Variants in UTRN observed in about 807,000 individuals in gnomAD.
The protein encoded by UTRN is dystrophin-related protein 1.
Under a neutral mutation model 463.9 loss-of-function variants are expected in UTRN, and 283 were observed. That is an observed-to-expected ratio of 0.61 (90% CI 0.55 to 0.67). UTRN has a LOEUF of 0.67. Ranked by LOEUF, UTRN falls within the 30% of genes least tolerant of loss-of-function variation. UTRN has a pLI of 0.00. For missense variants in UTRN, 3,922 were observed against 4,084.3 expected, an observed-to-expected ratio of 0.96 and a Z score of 1.08; for synonymous variants, 1,442 against 1,431.5, an observed-to-expected ratio of 1.01 and a Z score of -0.17.
At chr6:144,498,343 C>A (rs865938893) in intron 33 of UTRN, among the ~76,000 whole-genome samples, 3 of 152,186 alleles carry the variant, frequency 2.0e-5, no homozygotes, top group African/African-American at 7.2e-5. Context: ...CTTAGCACAA[C>A]ACGGAAGCTG....
chr6:144,656,792 A>G (rs1444971484), intron 51 of UTRN, among the ~76,000 whole-genome samples: 6 of 152,208 alleles, frequency 3.9e-5, no homozygotes, highest in Non-Finnish European at 5.9e-5. Flanking sequence ...TTAACACTTA[A>G]AAAACAACAT....
chr6:144,705,674 A>G (rs999602799), intron 53 of UTRN, among the ~76,000 whole-genome samples: 2 of 152,232 alleles, frequency 1.3e-5, no homozygotes, highest in African/African-American at 2.4e-5. Context: ...GGTGACACAT[A>G]GACATTCAAA....
intron 53 of UTRN, among the ~76,000 whole-genome samples, 180 bp from the exon 54 acceptor site, chr6:144,730,177 C>T (rs1788366359): frequency 6.6e-6 from 1 of 151,896 alleles, no homozygotes; most frequent in Non-Finnish European, 1.5e-5. Flanking sequence ...TATCTTTTTT[C>T]CTTTGTATTT....
chr6:144,827,584 T>A (rs1416464174), intron 67 of UTRN, 27 bp from the exon 68 acceptor site: 1 of 1,612,814 alleles, frequency 6.2e-7, no homozygotes, highest in Non-Finnish European at 8.5e-7. Context: ...GGGCATAAAA[T>A]TATTGCTTTG....
Position 144,436,122 on chromosome 6 carries a change from A to G in UTRN, c.1043A>G (p.Gln348Arg). 2 of 1,613,888 alleles carry G rather than the reference A, an allele frequency of 1.2e-6. No individual in the cohort carries two copies. Among genetic ancestry groups the G allele is most frequent in the Non-Finnish European group, 1.7e-6 (2 of 1,179,992 alleles). The change falls in exon 10 of 75, where the codon CAG becomes CGG. Residue 348 changes from glutamine (Q) to arginine (R), a missense_variant. By Grantham distance (43) the Gln-to-Arg change is conservative (BLOSUM62 1). Coordinates refer to ENST00000367545, the MANE Select transcript of UTRN (RefSeq NM_007124.3). ...GATGATGTTGAAGAAGTCAAAGACCAGTTTGCAACCCATGAAGTAAATATC... is the reference window on the plus strand; with the variant it reads ...GATGATGTTGAAGAAGTCAAAGACCGGTTTGCAACCCATGAAGTAAATATC... Reference protein sequence around the residue: ...ISDDVEEVKDQFATHEAFMME... With the variant: ...ISDDVEEVKDRFATHEAFMME...
At chr6:144,298,435 G>A (rs779694932) in intron 2 of UTRN, among the ~76,000 whole-genome samples, 2 of 152,070 alleles carry the variant, frequency 1.3e-5, no homozygotes, top group Non-Finnish European at 2.9e-5. Context: ...AATACCTGAC[G>A]TTTATTAATA....
intron 34 of UTRN, 137 bp downstream of exon 34, chr6:144,499,564 C>T: frequency 3.6e-6 from 2 of 550,776 alleles, no homozygotes; most frequent in Middle Eastern, 3.5e-4. Context: ...TTTTCCACTT[C>T]TCTGTCCTAA....
At chr6:144,576,382 C>G (rs1008257035) in intron 50 of UTRN, among the ~76,000 whole-genome samples, 1 of 152,072 alleles carries the variant, frequency 6.6e-6, no homozygotes, top group African/African-American at 2.4e-5. Context: ...TATCTCTTAA[C>G]TCATATAACT....
At chr6:144,718,284 A>C (rs1329533280) in intron 53 of UTRN, among the ~76,000 whole-genome samples, 1 of 152,132 alleles carries the variant, frequency 6.6e-6, no homozygotes, top group Non-Finnish European at 1.5e-5. Context: ...GGCCTGGTCA[A>C]CATAGCAAGA....
At chr6:144,475,420 AAC>A (rs1302897513) in intron 25 of UTRN, among the ~76,000 whole-genome samples, 3 of 152,284 alleles carry the variant, frequency 2.0e-5, no homozygotes, top group African/African-American at 7.2e-5. Context: ...GCTGGAATAA[AAC>A]AGAGAGGAGT....
At chr6:144,491,212 C>A in intron 32 of UTRN, 110 bp downstream of exon 32, 4 of 1,032,802 alleles carry the variant, frequency 3.9e-6, no homozygotes, top group Non-Finnish European at 5.3e-6. Flanking sequence ...CTACAGTGTG[C>A]TAAACATAAG....
intron 34 of UTRN, among the ~76,000 whole-genome samples, chr6:144,504,100 CTT>C (rs1562496640): frequency 1.3e-5 from 2 of 152,156 alleles, no homozygotes; most frequent in East Asian, 3.9e-4. Flanking sequence ...TATCCTGAGA[CTT>C]TGCTGAAATT....
chr6:144,311,488 A>G (rs1806263893), intron 2 of UTRN, among the ~76,000 whole-genome samples: 1 of 152,230 alleles, frequency 6.6e-6, no homozygotes, highest in Non-Finnish European at 1.5e-5. Flanking sequence ...CTTAGTGTCA[A>G]AGAGGAACTA....
chr6:144,402,829 T>C (rs911901773), intron 2 of UTRN, among the ~76,000 whole-genome samples: 13 of 152,164 alleles, frequency 8.5e-5, no homozygotes, highest in Admixed American at 2.0e-4. Flanking sequence ...GGGCTCTGAT[T>C]TGATCCGATA....
chr6:144,647,350 C>T (rs773334410), intron 51 of UTRN, among the ~76,000 whole-genome samples: 7 of 152,102 alleles, frequency 4.6e-5, no homozygotes, highest in Non-Finnish European at 1.0e-4. Flanking sequence ...TGAAAAGAAA[C>T]TTAGGTTCTC....
At chr6:144,352,203 G>A (rs1256660637) in intron 2 of UTRN, among the ~76,000 whole-genome samples, 1 of 152,120 alleles carries the variant, frequency 6.6e-6, no homozygotes, top group African/African-American at 2.4e-5. Context: ...AATACTCTGA[G>A]ACCCACTGAT....
intron 52 of UTRN, among the ~76,000 whole-genome samples, chr6:144,680,536 C>T (rs1782101552): frequency 6.6e-6 from 1 of 152,016 alleles, no homozygotes; most frequent in African/African-American, 2.4e-5. Context: ...TGATTAGTCA[C>T]CTCAAGAGAT....
chr6:144,569,415 T>TAAGC (rs1348925996), intron 50 of UTRN, among the ~76,000 whole-genome samples: 2 of 152,104 alleles, frequency 1.3e-5, no homozygotes, highest in Non-Finnish European at 2.9e-5. Context: ...TATCATTAAA[T>TAAGC]TTCACATTTG....
intron 51 of UTRN, among the ~76,000 whole-genome samples, chr6:144,606,416 A>G (rs550729606): frequency 6.6e-6 from 1 of 152,376 alleles, no homozygotes; most frequent in East Asian, 1.9e-4. Flanking sequence ...GGAAAAAGCA[A>G]TCATTAAAAT....
Sources: gnomAD v4.1 joint callset for allele counts (sites outside exome capture counted in the v4.1 genomes callset) on GRCh38, gnomAD v4.1.1 for gene constraint, MANE v1.5 for transcripts, NCBI Gene and HGNC (gene_info 2026-07-23, HGNC 2026-07-21) for gene names.